Variants in LANCL2 observed in about 807,000 individuals in gnomAD.
The protein encoded by LANCL2 is lanC-like protein 2.
A neutral mutation model predicts 56.9 loss-of-function variants in LANCL2; 33 were observed. That is an observed-to-expected ratio of 0.58 (90% CI 0.44 to 0.78). LANCL2 has a LOEUF of 0.78. Ranked by LOEUF, LANCL2 falls within the 30% of genes least tolerant of loss-of-function variation. The pLI is 0.00. For missense variants in LANCL2, 562 were observed against 580.2 expected, an observed-to-expected ratio of 0.97 and a Z score of 0.32; for synonymous variants, 233 against 228.2, an observed-to-expected ratio of 1.02 and a Z score of -0.19.
chr7:55,406,024 C>T (rs1300297144), intron 5 of LANCL2, among the ~76,000 whole-genome samples: 2 of 152,150 alleles, frequency 1.3e-5, no homozygotes, highest in Non-Finnish European at 1.5e-5. Context: ...TTACAGCCTG[C>T]AGCTAATCAT....
chr7:55,394,175 A>G (rs1217836231), intron 2 of LANCL2: 1 of 152,214 alleles, frequency 6.6e-6, no homozygotes, highest in East Asian at 1.9e-4. Context: ...AGGAATCATC[A>G]TGGAAGTATT....
chr7:55,387,487 A>AC (rs776472477), intron 1 of LANCL2, among the ~76,000 whole-genome samples: 22 of 152,102 alleles, frequency 1.4e-4, no homozygotes, highest in Non-Finnish European at 2.8e-4. Flanking sequence ...GACACAGCAA[A>AC]CTGGGACACA....
chr7:55,385,164 G>T (rs1264943750), intron 1 of LANCL2, among the ~76,000 whole-genome samples: 3 of 152,176 alleles, frequency 2.0e-5, no homozygotes, highest in Non-Finnish European at 4.4e-5. Flanking sequence ...TCCAGCCTGG[G>T]TGACAGGAGT....
chr7:55,380,010 G>A (rs776137328), intron 1 of LANCL2, among the ~76,000 whole-genome samples: 6 of 152,106 alleles, frequency 3.9e-5, no homozygotes, highest in Non-Finnish European at 5.9e-5. Context: ...CTCAGCTTTC[G>A]CTATAAGGGA....
chr7:55,408,572 G>T (rs1245382411), intron 5 of LANCL2, among the ~76,000 whole-genome samples: 1 of 152,108 alleles, frequency 6.6e-6, no homozygotes, highest in Non-Finnish European at 1.5e-5. Flanking sequence ...GGGAGGCTGA[G>T]GCAGGAGAAT....
rs1475531319 is a variant in LANCL2, at chr7:55,431,788, T to TG, written c.*470dup. On this transcript the variant is annotated 3_prime_UTR_variant, in exon 9 of 9. Coordinates refer to ENST00000254770, the MANE Select transcript of LANCL2 (RefSeq NM_018697.4). ...GATAATACATTGTCAGCCTTTTCTG[T>TG]GGCACCTTCCAGATGAGAATGAGGG... is the stretch of plus-strand genomic sequence containing the variant. The TG allele has an allele frequency of 6.5e-6, 1 of 152,956 alleles. No individual in the cohort carries two copies. The highest frequency in any genetic ancestry group is 2.4e-5 in the African/African-American group (1 of 41,448). The allele number at this position is 152,956 out of a possible 1,614,324, so 9.5% of individuals were successfully genotyped here. A position where few individuals can be genotyped will look rare whatever the true frequency, so the allele number is the denominator to read the frequency against.
In LANCL2 at chr7:55,428,399, G is replaced by A. The variant is rs184542864; in HGVS notation, c.1210G>A (p.Gly404Arg). ...CKFAEWCLDYGAHGCRIPDRP... is the reference protein window; with the variant it reads ...CKFAEWCLDYRAHGCRIPDRP... ...GTTTGCAGAGTGGTGTCTAGATTAC[G>A]GAGCACACGGGTGCCGCATTCCTGA... The change falls in exon 8 of 9, where the codon GGA becomes AGA. Residue 404 changes from glycine (G) to arginine (R), a missense_variant. Physicochemically the swap from Gly to Arg is moderately radical, Grantham distance 125 (BLOSUM62 -2). Coordinates refer to ENST00000254770, the MANE Select transcript of LANCL2 (RefSeq NM_018697.4). 1.2e-5 allele frequency: 20 copies of A among 1,614,120 alleles called. No individual in the cohort carries two copies. Among genetic ancestry groups the A allele is most frequent in the East Asian group, 2.2e-5 (1 of 44,888 alleles).
At chr7:55,415,110 T>C (rs1790513313) in intron 6 of LANCL2, among the ~76,000 whole-genome samples, 1 of 151,964 alleles carries the variant, frequency 6.6e-6, no homozygotes, top group Non-Finnish European at 1.5e-5. Context: ...AAATCATGGG[T>C]AATGGTGGCA....
chr7:55,395,501 AG>A (rs1259403388), intron 2 of LANCL2, among the ~76,000 whole-genome samples: 4 of 152,226 alleles, frequency 2.6e-5, no homozygotes, highest in Non-Finnish European at 2.9e-5. Context: ...AAGGAGCCAA[AG>A]AAAGAGCTGA....
rs1429628809 is a variant in LANCL2 at position 55,431,644 on chromosome 7, G to T, written c.*324G>T. On this transcript the variant is annotated 3_prime_UTR_variant, in exon 9 of 9. Transcript: ENST00000254770. ...CAGAGCTGACCATGCATGAATGTATGGCAGTGTCCACTTTTCTGTATAAAA... is the reference window on the plus strand; with the variant it reads ...CAGAGCTGACCATGCATGAATGTATTGCAGTGTCCACTTTTCTGTATAAAA... 3 of 241,320 alleles carry T rather than the reference G, an allele frequency of 1.2e-5. No homozygotes were observed. Among genetic ancestry groups the T allele is most frequent in the Non-Finnish European group, 2.4e-5 (3 of 125,704 alleles). The allele number at this position is 241,320 out of a possible 1,614,324, so 14.9% of individuals were successfully genotyped here. A position where few individuals can be genotyped will look rare whatever the true frequency, so the allele number is the denominator to read the frequency against.
At chr7:55,374,272 A>G (rs772485657) in intron 1 of LANCL2, among the ~76,000 whole-genome samples, 1 of 152,202 alleles carries the variant, frequency 6.6e-6, no homozygotes, top group Non-Finnish European at 1.5e-5. Flanking sequence ...TATGATACAC[A>G]TCAAAATTGG....
chr7:55,401,092 T>C, intron 4 of LANCL2, 82 bp from the exon 5 acceptor site: 2 of 1,167,022 alleles, frequency 1.7e-6, no homozygotes, highest in Middle Eastern at 2.0e-4. Context: ...ATATATGTCA[T>C]ATATATATGA....
At chr7:55,395,047 G>A (rs1452508790) in intron 2 of LANCL2, among the ~76,000 whole-genome samples, 1 of 152,194 alleles carries the variant, frequency 6.6e-6, no homozygotes, top group African/African-American at 2.4e-5. Flanking sequence ...TGAGAGTCAG[G>A]AAATCTGGCC....
intron 1 of LANCL2, among the ~76,000 whole-genome samples, chr7:55,370,463 C>G (rs1055573699): frequency 2.6e-5 from 4 of 152,212 alleles, no homozygotes; most frequent in African/African-American, 9.6e-5. Flanking sequence ...GGGCTGAAAT[C>G]TTGAACTTGT....
chr7:55,400,538 G>A (rs1790309762), intron 4 of LANCL2, among the ~76,000 whole-genome samples: 1 of 152,150 alleles, frequency 6.6e-6, no homozygotes, highest in African/African-American at 2.4e-5. Context: ...CAGCTTCCTT[G>A]TTAGGGACTC....
At chr7:55,378,086 G>A (rs1790023361) in intron 1 of LANCL2, among the ~76,000 whole-genome samples, 1 of 152,210 alleles carries the variant, frequency 6.6e-6, no homozygotes, top group Non-Finnish European at 1.5e-5. Context: ...AAAACTGAAT[G>A]ATGTGACGAT....
chr7:55,374,890 G>A (rs1789983825), intron 1 of LANCL2, among the ~76,000 whole-genome samples: 1 of 152,152 alleles, frequency 6.6e-6, no homozygotes, highest in African/African-American at 2.4e-5. Flanking sequence ...TTAAAATGTA[G>A]GCAAGTTATT....
intron 1 of LANCL2, among the ~76,000 whole-genome samples, chr7:55,384,079 A>C (rs975987929): frequency 3.3e-5 from 5 of 152,142 alleles, no homozygotes; most frequent in African/African-American, 4.8e-5. Flanking sequence ...AGTGTGCAAA[A>C]CAGAAAAAAA....
At chr7:55,379,014 C>G (rs1420958613) in intron 1 of LANCL2, among the ~76,000 whole-genome samples, 1 of 152,136 alleles carries the variant, frequency 6.6e-6, no homozygotes, top group African/African-American at 2.4e-5. Flanking sequence ...GCCTGTAGTC[C>G]CAGCTACTCG....
Sources: allele counts gnomAD v4.1 joint callset (sites outside exome capture counted in the v4.1 genomes callset), GRCh38; gene constraint gnomAD v4.1.1; transcripts MANE v1.5; gene names NCBI Gene and HGNC (gene_info 2026-07-23, HGNC 2026-07-21).